Variants in ROBO1 observed in about 807,000 individuals in gnomAD.
The protein encoded by ROBO1 is roundabout homolog 1.
ROBO1 carries 149 observed loss-of-function variants against 195.9 expected under a neutral mutation model. The observed-to-expected ratio is 0.76, with a 90% CI of 0.67 to 0.87. The LOEUF (loss-of-function observed/expected upper bound fraction) is 0.87. Among genes scored for constraint, ROBO1 ranks in the 40% least tolerant of loss-of-function variants. The probability of loss-of-function intolerance (pLI) is 0.00; values close to 1 mark genes in which losing one functional copy is unlikely to be tolerated. For synonymous variants in ROBO1, 816 were observed against 733.2 expected, an observed-to-expected ratio of 1.11 and a Z score of -1.82; for missense variants, 1,933 against 2,068.3, an observed-to-expected ratio of 0.93 and a Z score of 1.27.
intron 29 of ROBO1, among the ~76,000 whole-genome samples, chr3:78,601,743 T>C (rs1575756084): frequency 6.6e-6 from 1 of 152,136 alleles, no homozygotes; most frequent in East Asian, 1.9e-4. Context: ...TGCATCCCAC[T>C]GAAATCTATT....
intron 2 of ROBO1, among the ~76,000 whole-genome samples, chr3:79,520,001 A>G (rs1383715011): frequency 6.6e-6 from 1 of 151,836 alleles, no homozygotes; most frequent in Admixed American, 6.6e-5. Flanking sequence ...TGTAGAAAAA[A>G]TTTTAAAAAA....
intron 1 of ROBO1, among the ~76,000 whole-genome samples, chr3:79,618,739 C>A (rs1332973348): frequency 1.3e-5 from 2 of 152,134 alleles, no homozygotes; most frequent in Admixed American, 6.6e-5. Context: ...TGGTGCCTCA[C>A]TCCATGAGGA....
intron 2 of ROBO1, among the ~76,000 whole-genome samples, chr3:79,190,275 A>G (rs1025208659): frequency 1.3e-5 from 2 of 151,678 alleles, no homozygotes; most frequent in African/African-American, 2.4e-5. Context: ...GTCTAGGAGA[A>G]CTTTCTGTGT....
chr3:78,919,897 T>C (rs1005819370), intron 4 of ROBO1, among the ~76,000 whole-genome samples: 1 of 152,168 alleles, frequency 6.6e-6, no homozygotes, highest in African/African-American at 2.4e-5. Flanking sequence ...TGCATAGATA[T>C]CAAAGCCACA....
intron 2 of ROBO1, among the ~76,000 whole-genome samples, chr3:79,193,205 T>C (rs1396777413): frequency 6.6e-6 from 1 of 151,624 alleles, no homozygotes; most frequent in Non-Finnish European, 1.5e-5. Flanking sequence ...ATTCCTCAAG[T>C]AGGCATCTAG....
chr3:78,891,607 TA>T (rs1238693766), intron 4 of ROBO1, among the ~76,000 whole-genome samples: 1 of 151,992 alleles, frequency 6.6e-6, no homozygotes, highest in Admixed American at 6.6e-5. Context: ...CCAAAAGAAA[TA>T]AAAACATATG....
At chr3:78,641,542 G>A (rs894522992) in intron 21 of ROBO1, among the ~76,000 whole-genome samples, 6 of 152,062 alleles carry the variant, frequency 3.9e-5, no homozygotes, top group African/African-American at 1.4e-4. Flanking sequence ...CAGATATCTG[G>A]AGCCTTGAAA....
At chr3:78,858,087 C>G (rs2034563528) in intron 4 of ROBO1, among the ~76,000 whole-genome samples, 1 of 152,126 alleles carries the variant, frequency 6.6e-6, no homozygotes, top group Non-Finnish European at 1.5e-5. Context: ...CCACCTTTGT[C>G]AGCCCACAAA....
chr3:79,422,091 T>G (rs2038246939), intron 2 of ROBO1, among the ~76,000 whole-genome samples: 1 of 148,242 alleles, frequency 6.7e-6, no homozygotes, highest in Non-Finnish European at 1.5e-5. Context: ...ATGTATTATA[T>G]ATAAAAATAT....
intron 1 of ROBO1, among the ~76,000 whole-genome samples, chr3:79,635,198 A>T (rs4856310): frequency 0.57 from 86,631 of 152,030 alleles, 24,932 homozygotes; most frequent in South Asian, 0.67. Context: ...TTCATTAGTA[A>T]CTTGTGAATT....
chr3:78,659,450 G>T (rs1377636978), intron 17 of ROBO1, among the ~76,000 whole-genome samples: 2 of 152,222 alleles, frequency 1.3e-5, no homozygotes, highest in Admixed American at 1.3e-4. Flanking sequence ...ATGCACATCA[G>T]AATCGCCAAA....
chr3:79,287,976 A>G (rs2031996256), intron 2 of ROBO1, among the ~76,000 whole-genome samples: 1 of 152,168 alleles, frequency 6.6e-6, no homozygotes, highest in Non-Finnish European at 1.5e-5. Context: ...AAATGAAACA[A>G]AAGAATGCCT....
chr3:78,902,488 A>T (rs1414203086), intron 4 of ROBO1, among the ~76,000 whole-genome samples: 1 of 152,102 alleles, frequency 6.6e-6, no homozygotes, highest in Non-Finnish European at 1.5e-5. Context: ...GCAAATTTTT[A>T]CTTACATGTG....
intron 4 of ROBO1, among the ~76,000 whole-genome samples, chr3:78,903,417 T>C (rs1236093645): frequency 6.6e-6 from 1 of 151,790 alleles, no homozygotes; most frequent in African/African-American, 2.4e-5. Flanking sequence ...ATATTTCACA[T>C]AAAAGCATGT....
At chr3:79,559,960 G>A (rs1006935473) in intron 2 of ROBO1, among the ~76,000 whole-genome samples, 7 of 151,892 alleles carry the variant, frequency 4.6e-5, no homozygotes, top group Non-Finnish European at 2.9e-5. Context: ...ACTTCATGGG[G>A]CAAAATGTAC....
intron 2 of ROBO1, among the ~76,000 whole-genome samples, chr3:79,524,170 T>TGC (rs1941332913): frequency 6.7e-6 from 1 of 150,126 alleles, no homozygotes; most frequent in South Asian, 2.1e-4. Flanking sequence ...TTGAAGTAAG[T>TGC]GTGTGTGTGT....
Position 78,600,451 on chromosome 3 carries a change from T to C in ROBO1, c.4745-142A>G, listed in dbSNP as rs540541290. 1.9e-5 allele frequency: 12 copies of C among 627,754 alleles called. No individual in the cohort carries two copies. In the African/African-American group the frequency reaches 2.2e-4, roughly 12 times the overall value. 38.9% of individuals were successfully genotyped at this position (627,754 alleles called of 1,614,324 possible). A position where few individuals can be genotyped will look rare whatever the true frequency, so the allele number is the denominator to read the frequency against. On this transcript the variant is annotated intron_variant, in intron 29 of 30. Transcript: ENST00000464233. ...AAATGAGGACACTCTATAAGCATAATGAATAATGTAGCATAGTGTGTTGAA... is the reference window on the plus strand; with the variant it reads ...AAATGAGGACACTCTATAAGCATAACGAATAATGTAGCATAGTGTGTTGAA...
At chr3:79,147,303 G>C (rs2080672773) in intron 2 of ROBO1, among the ~76,000 whole-genome samples, 1 of 152,010 alleles carries the variant, frequency 6.6e-6, no homozygotes, top group African/African-American at 2.4e-5. Flanking sequence ...GGTACTTTCT[G>C]TTTGACGAAA....
chr3:79,028,767 C>A (rs1319602705), intron 3 of ROBO1, among the ~76,000 whole-genome samples: 2 of 151,874 alleles, frequency 1.3e-5, no homozygotes. Flanking sequence ...TAAATTTCCC[C>A]TTTGTATTTA....
Sources: allele counts gnomAD v4.1 joint callset (sites outside exome capture counted in the v4.1 genomes callset), GRCh38; gene constraint gnomAD v4.1.1; transcripts MANE v1.5; gene names NCBI Gene and HGNC (gene_info 2026-07-23, HGNC 2026-07-21).